FHIT: variants seen among roughly 807,000 people sequenced by gnomAD.
The protein encoded by FHIT is bis(5'-adenosyl)-triphosphatase.
Under a neutral mutation model 17.9 loss-of-function variants are expected in FHIT, and 19 were observed. The observed-to-expected ratio is 1.06, with a 90% confidence interval of 0.74 to 1.56. The LOEUF (loss-of-function observed/expected upper bound fraction) is 1.56, where lower values mean the gene tolerates loss of function less well. FHIT is among the 40% of genes most tolerant of loss of function. FHIT has a pLI of 0.00. For synonymous variants in FHIT, 81 were observed against 69.7 expected, an observed-to-expected ratio of 1.16 and a Z score of -0.81; for missense variants, 248 against 189.2, an observed-to-expected ratio of 1.31 and a Z score of -1.82.
At chr3:59,869,994 T>A (rs541404356) in intron 8 of FHIT, among the ~76,000 whole-genome samples, 5 of 152,292 alleles carry the variant, frequency 3.3e-5, no homozygotes, top group Admixed American at 2.0e-4. Context: ...ATTCTTGGCA[T>A]CAGCTATATT....
At chr3:60,354,734 T>C (rs1025610045) in intron 5 of FHIT, among the ~76,000 whole-genome samples, 7 of 152,292 alleles carry the variant, frequency 4.6e-5, no homozygotes, top group African/African-American at 9.6e-5. Flanking sequence ...GCCGGTCCAA[T>C]TGGTAATATC....
chr3:60,251,001 G>A (rs1411003049), intron 5 of FHIT, among the ~76,000 whole-genome samples: 1 of 152,132 alleles, frequency 6.6e-6, no homozygotes, highest in African/African-American at 2.4e-5. Flanking sequence ...TTACCCACGT[G>A]GTTTGTAAGT....
At chr3:59,857,108 T>C (rs1702191026) in intron 8 of FHIT, among the ~76,000 whole-genome samples, 1 of 152,210 alleles carries the variant, frequency 6.6e-6, no homozygotes, top group African/African-American at 2.4e-5. Context: ...CAGCACTTCC[T>C]CTGAGGGGCA....
intron 5 of FHIT, among the ~76,000 whole-genome samples, chr3:60,487,241 G>A (rs1159484822): frequency 6.6e-6 from 1 of 152,146 alleles, no homozygotes; most frequent in Non-Finnish European, 1.5e-5. Flanking sequence ...CCAGCACGTG[G>A]GCACAAATGT....
At chr3:60,497,747 C>T (rs1348893668) in intron 5 of FHIT, among the ~76,000 whole-genome samples, 1 of 152,094 alleles carries the variant, frequency 6.6e-6, no homozygotes, top group African/African-American at 2.4e-5. Flanking sequence ...ATAATAATTC[C>T]AGGCAATTCT....
intron 3 of FHIT, among the ~76,000 whole-genome samples, chr3:60,843,770 C>T (rs1324057840): frequency 3.1e-4 from 47 of 152,148 alleles, no homozygotes; most frequent in Non-Finnish European, 7.4e-5. Context: ...ATGAAAGACA[C>T]GAGCACACCA....
intron 4 of FHIT, among the ~76,000 whole-genome samples, chr3:60,688,585 C>T (rs1242957318): frequency 6.6e-6 from 1 of 152,010 alleles, no homozygotes; most frequent in Non-Finnish European, 1.5e-5. Context: ...GCACTCACCA[C>T]AAGGCCAGGC....
chr3:61,180,062 C>G, intron 2 of FHIT, among the ~76,000 whole-genome samples: 1 of 152,198 alleles, frequency 6.6e-6, no homozygotes, highest in Non-Finnish European at 1.5e-5. Flanking sequence ...GGTGGGCACT[C>G]TGAAAACACT....
chr3:59,887,193 T>C (rs938100520), intron 8 of FHIT, among the ~76,000 whole-genome samples: 1 of 152,192 alleles, frequency 6.6e-6, no homozygotes, highest in African/African-American at 2.4e-5. Context: ...TCAAGTGACA[T>C]AGCCTCGCAG....
intron 8 of FHIT, among the ~76,000 whole-genome samples, chr3:59,866,557 C>A (rs1175470568): frequency 6.6e-6 from 1 of 152,136 alleles, no homozygotes; most frequent in Non-Finnish European, 1.5e-5. Flanking sequence ...GGAGGATCAA[C>A]AAGAAGACTG....
intron 4 of FHIT, among the ~76,000 whole-genome samples, chr3:60,594,789 G>A (rs77997326): frequency 0.023 from 3,570 of 152,054 alleles, 77 homozygotes; most frequent in East Asian, 0.061. Context: ...CTCCCTGGGG[G>A]CCTTCTATCC....
intron 4 of FHIT, among the ~76,000 whole-genome samples, chr3:60,712,232 G>C (rs1436990056): frequency 6.6e-6 from 1 of 152,140 alleles, no homozygotes; most frequent in Non-Finnish European, 1.5e-5. Flanking sequence ...AATGCTGAGA[G>C]ATTTTGTCAC....
chr3:60,284,127 T>G (rs1175590750), intron 5 of FHIT, among the ~76,000 whole-genome samples: 1 of 152,116 alleles, frequency 6.6e-6, no homozygotes, highest in African/African-American at 2.4e-5. Flanking sequence ...GAACAGTATA[T>G]ATTACACTAT....
chr3:59,779,863 A>T (rs1702493862), intron 8 of FHIT, among the ~76,000 whole-genome samples: 2 of 152,224 alleles, frequency 1.3e-5, no homozygotes, highest in African/African-American at 2.4e-5. Context: ...AATTGTAAGG[A>T]AACTCCCATC....
chr3:59,917,870 T>C (rs1354684299), intron 8 of FHIT, among the ~76,000 whole-genome samples: 1 of 152,252 alleles, frequency 6.6e-6, no homozygotes, highest in Non-Finnish European at 1.5e-5. Context: ...GTATTTGTTA[T>C]AGCCACCACA....
chr3:60,597,080 G>A (rs1404041637), intron 4 of FHIT, among the ~76,000 whole-genome samples: 2 of 152,074 alleles, frequency 1.3e-5, no homozygotes, highest in African/African-American at 2.4e-5. Flanking sequence ...TATGGACAAC[G>A]GAGGCTTGCA....
chr3:60,099,304 C>T (rs1704095635), intron 5 of FHIT, among the ~76,000 whole-genome samples: 1 of 152,104 alleles, frequency 6.6e-6, no homozygotes, highest in Non-Finnish European at 1.5e-5. Flanking sequence ...GGGATGGGCT[C>T]AAACGATAAA....
chr3:60,824,871 G>C (rs1242002656), intron 3 of FHIT, among the ~76,000 whole-genome samples: 7 of 152,090 alleles, frequency 4.6e-5, no homozygotes, highest in African/African-American at 1.7e-4. Context: ...CCAGCTACAC[G>C]GAACTGTAAG....
intron 5 of FHIT, among the ~76,000 whole-genome samples, chr3:60,443,870 C>T (rs1354781052): frequency 6.6e-6 from 1 of 152,102 alleles, no homozygotes; most frequent in Non-Finnish European, 1.5e-5. Context: ...AGAGCTTCTG[C>T]ACAGCAAAAG....
Sources: gnomAD v4.1 joint callset for allele counts (sites outside exome capture counted in the v4.1 genomes callset) on GRCh38, gnomAD v4.1.1 for gene constraint, MANE v1.5 for transcripts, NCBI Gene and HGNC (gene_info 2026-07-23, HGNC 2026-07-21) for gene names.